PTK7: variants seen among roughly 807,000 people sequenced by gnomAD.
The protein encoded by PTK7 is inactive tyrosine-protein kinase 7.
A neutral mutation model predicts 116.6 loss-of-function variants in PTK7; 39 were observed. The observed-to-expected ratio is 0.33, with a 90% CI of 0.26 to 0.44. The LOEUF (loss-of-function observed/expected upper bound fraction) is 0.44, where lower values mean the gene tolerates loss of function less well. Among genes scored for constraint, PTK7 ranks in the 20% least tolerant of loss-of-function variants. PTK7 has a pLI of 1.00. For synonymous variants in PTK7, 546 were observed against 563.6 expected, an observed-to-expected ratio of 0.97 and a Z score of 0.44; for missense variants, 1,169 against 1,425.6, an observed-to-expected ratio of 0.82 and a Z score of 2.90.
rs975242469 is a variant in PTK7 at position 43,129,130 on chromosome 6, G to A, written c.233G>A (p.Arg78His). ...DGAPVQDTER[R>H]FAQGSSLSFA... The stretch of plus-strand genomic sequence containing the variant: ...GCCCCTGTCCAGGACACGGAGCGGC[G>A]TTTCGCCCAGGGCAGCAGCCTGAGC... Residue 78 changes from arginine (R) to histidine (H), a missense_variant, in exon 2 of 20, where the codon CGT becomes CAT. Physicochemically the swap from Arg to His is conservative, Grantham distance 29 (BLOSUM62 0). Transcript: ENST00000230419. This position sits in a 1 kb window ranked among gnomAD's most constrained non-coding sequence, Gnocchi z 4.5. The A allele has an allele frequency of 6.2e-6, 10 of 1,614,206 alleles. No individual in the cohort carries two copies. Among genetic ancestry groups the A allele is most frequent in the South Asian group, 1.1e-5 (1 of 91,086 alleles).
At chr6:43,140,660 G>A (rs989179869) in intron 10 of PTK7, among the ~76,000 whole-genome samples, 3 of 151,998 alleles carry the variant, frequency 2.0e-5, no homozygotes, top group African/African-American at 7.2e-5. Context: ...GGCCGAGGTG[G>A]GAGGATCGCT....
chr6:43,096,565 C>T (rs945181173), intron 1 of PTK7, among the ~76,000 whole-genome samples: 1 of 152,240 alleles, frequency 6.6e-6, no homozygotes, highest in African/African-American at 2.4e-5. Flanking sequence ...TTCCTCTGCC[C>T]TGGAGCCAGA....
In PTK7 at chr6:43,077,096, C is replaced by T. The variant is rs1015447869; in HGVS notation, c.79+529C>T. ...GTTCCCGGCTTCCCTCCTCCGAGTT[C>T]CTGGGCAAAGCTGAGACCCCAGATG... On this transcript the variant is annotated intron_variant, in intron 1 of 19. Transcript: ENST00000230419. The T allele has an allele frequency of 9.1e-5, 110 of 1,212,648 alleles. No homozygotes were observed. In the Middle Eastern group the frequency reaches 1.5e-3, roughly 17 times the overall value. The allele number at this position is 1,212,648 out of a possible 1,614,324, so 75.1% of individuals were successfully genotyped here.
At position 43,076,726 on chromosome 6, in the gene PTK7, G is replaced by C; in HGVS notation, c.79+159G>C. The C allele has an allele frequency of 7.3e-7, 1 of 1,378,650 alleles. No individual in the cohort carries two copies. The allele number at this position is 1,378,650 out of a possible 1,614,324, so 85.4% of individuals were successfully genotyped here. On this transcript the variant is annotated intron_variant, in intron 1 of 19. Transcript: ENST00000230419. This position sits in a 1 kb window ranked among gnomAD's most constrained non-coding sequence, Gnocchi z 5.7. ...GGCTTGCGGCGGAAGGGCGCAAGGA[G>C]CCCGGGTGTCGGGAGGCTGGCGAAG...
At chr6:43,103,670 G>C (rs1449591766) in intron 1 of PTK7, among the ~76,000 whole-genome samples, 1 of 152,146 alleles carries the variant, frequency 6.6e-6, no homozygotes, top group Non-Finnish European at 1.5e-5. Context: ...GGGAGGAGTT[G>C]TTCTTCCTTA....
rs1446424791 is a variant in PTK7, at chr6:43,160,773, ACT to A, written c.3108_3109del (p.Tyr1037SerfsTer19). On this transcript the variant is annotated frameshift_variant, in exon 20 of 20. Transcript: ENST00000230419. LOFTEE classifies it high-confidence loss of function. ...LPQPEGCPSK[L>X]YRLMQRCWAL... is the part of the protein sequence containing the mutation. ...CTCAGCCCGAGGGCTGCCCTTCCAA[ACT>A]CTATCGGCTGATGCAGCGCTGCTGG... The A allele has an allele frequency of 6.2e-7, 1 of 1,613,732 alleles. No homozygotes were observed. The highest frequency in any genetic ancestry group is 8.5e-7 in the Non-Finnish European group (1 of 1,179,956).
chr6:43,091,270 C>T (rs1766943755), intron 1 of PTK7, among the ~76,000 whole-genome samples: 1 of 151,580 alleles, frequency 6.6e-6, no homozygotes, highest in Admixed American at 6.6e-5. Context: ...AAGTGACCCT[C>T]CTGGCTCAGC....
At chr6:43,079,613 A>G (rs1163858834) in intron 1 of PTK7, among the ~76,000 whole-genome samples, 2 of 152,058 alleles carry the variant, frequency 1.3e-5, no homozygotes, top group Non-Finnish European at 2.9e-5. Context: ...TTGTTATGAG[A>G]CAGGGTCTCC....
rs1229505157 is a variant in PTK7 at position 43,131,926 on chromosome 6, CCGACTTTGCAG to C, written c.813-89_813-79del. ...TCCTGGTCGATTCCTTACTACATTT[CCGACTTTGCAG>C]GAAAGGGGTTCCCTTGCATTCCTTT... On this transcript the variant is annotated intron_variant, in intron 5 of 19. Transcript: ENST00000230419. 9 of 1,550,324 alleles carry C rather than the reference CCGACTTTGCAG, an allele frequency of 5.8e-6. No homozygotes were observed. In the East Asian group the frequency reaches 9.0e-5, roughly 15 times the overall value.
chr6:43,128,934 G>A, intron 1 of PTK7, 43 bp from the exon 2 acceptor site: 1 of 1,560,048 alleles, frequency 6.4e-7, no homozygotes, highest in Non-Finnish European at 8.7e-7. Flanking sequence ...GACAGAGGCT[G>A]CAGCTCCCCC....
intron 12 of PTK7, 25 bp from the exon 13 acceptor site, chr6:43,142,147 A>G (rs753720398): frequency 1.2e-6 from 2 of 1,613,270 alleles, no homozygotes; most frequent in Non-Finnish European, 1.7e-6. Context: ...CGAGCTGGCC[A>G]GCACTATGGC....
intron 1 of PTK7, among the ~76,000 whole-genome samples, chr6:43,088,873 C>T (rs1425571559): frequency 1.3e-5 from 2 of 152,094 alleles, no homozygotes; most frequent in East Asian, 3.9e-4. Context: ...CAGTTGCAGG[C>T]CCTGGCTTGT....
chr6:43,151,527 GTTTTTTGT>G (rs957608885), intron 17 of PTK7, among the ~76,000 whole-genome samples: 1 of 104,624 alleles, frequency 9.6e-6, no homozygotes, highest in Non-Finnish European at 1.8e-5. Flanking sequence ...TTTTTTGTTT[GTTTTTTGT>G]TTTTTTTTTT....
At chr6:43,157,146 G>C (rs1370126934) in intron 17 of PTK7, among the ~76,000 whole-genome samples, 3 of 148,460 alleles carry the variant, frequency 2.0e-5, no homozygotes, top group African/African-American at 7.4e-5. Context: ...GAACTCTTGA[G>C]TGCTAGCATT....
intron 18 of PTK7, 83 bp downstream of exon 18, chr6:43,159,051 G>A: frequency 6.4e-7 from 1 of 1,552,906 alleles, no homozygotes; most frequent in South Asian, 1.1e-5. Context: ...GGGGGGTGTG[G>A]GAAAGGGTTT....
chr6:43,123,738 G>A (rs1277037313), intron 1 of PTK7, among the ~76,000 whole-genome samples: 4 of 152,162 alleles, frequency 2.6e-5, no homozygotes, highest in East Asian at 1.9e-4. Context: ...TGTTGGGGTC[G>A]GCGCCTGGTG....
At position 43,158,819 on chromosome 6, in the gene PTK7, G is replaced by A. The variant is rs762082545; in HGVS notation, c.2724G>A (p.Val908=). ...AACAGGCCCCTTTATCTCTCCAGGT[G>A]GCCCTATGCACCCAGGTAGCCCTGG... ...KSQPLSTKQK[V]ALCTQVALGM... Residue 908 remains valine (V), a splice_region_variant and synonymous_variant, in exon 18 of 20, where the codon GTG becomes GTA. Transcript: ENST00000230419. The A allele has an allele frequency of 5.0e-6, 8 of 1,613,718 alleles. No homozygotes were observed. The East Asian group carries it at 1.3e-4, about 27-fold the overall frequency.
intron 1 of PTK7, among the ~76,000 whole-genome samples, chr6:43,119,133 A>C (rs1358416056): frequency 6.6e-6 from 1 of 151,992 alleles, no homozygotes; most frequent in Non-Finnish European, 1.5e-5. Context: ...CCCCAAGGGT[A>C]GGGTGGGTGA....
At chr6:43,082,667 C>A (rs529522589) in intron 1 of PTK7, among the ~76,000 whole-genome samples, 68 of 152,280 alleles carry the variant, frequency 4.5e-4, no homozygotes, top group African/African-American at 1.6e-3. Flanking sequence ...TGCGAACACT[C>A]CTTGGGGTGA....
Sources: allele counts gnomAD v4.1 joint callset (sites outside exome capture counted in the v4.1 genomes callset), GRCh38; gene constraint gnomAD v4.1.1; non-coding constraint Gnocchi (gnomAD v3.1); transcripts MANE v1.5; gene names NCBI Gene and HGNC (gene_info 2026-07-23, HGNC 2026-07-21).